Variants in IKBKB observed in about 807,000 individuals in gnomAD.
IKBKB encodes inhibitor of nuclear factor kappa-B kinase subunit beta.
IKBKB carries 42 observed loss-of-function variants against 113.6 expected under a neutral mutation model. The ratio of observed to expected loss-of-function variants is 0.37; its 90% CI spans 0.29 to 0.48. The LOEUF (loss-of-function observed/expected upper bound fraction) is 0.48, where lower values mean the gene tolerates loss of function less well. Ranked by LOEUF, IKBKB falls within the 20% of genes least tolerant of loss-of-function variation. IKBKB has a pLI of 0.99. For missense variants in IKBKB, 673 were observed against 939.7 expected, an observed-to-expected ratio of 0.72 and a Z score of 3.71; for synonymous variants, 296 against 361.3, an observed-to-expected ratio of 0.82 and a Z score of 2.05.
intron 4 of IKBKB, 84 bp from the exon 5 acceptor site, chr8:42,293,359 T>C: frequency 6.4e-7 from 1 of 1,556,380 alleles, no homozygotes; most frequent in Non-Finnish European, 8.8e-7. Flanking sequence ...AGCACTCTGG[T>C]CACATGGGCT....
Position 42,308,933 on chromosome 8 carries a change from A to G in IKBKB, c.600A>G (p.Thr200=), listed in dbSNP as rs755530832. The G allele has an allele frequency of 6.8e-6, 11 of 1,614,168 alleles. No homozygotes were observed. Among genetic ancestry groups the G allele is most frequent in the Non-Finnish European group, 8.5e-6 (10 of 1,179,978 alleles). Reference sequence around the variant, plus strand: ...AGCTACTGGAGCAGCAGAAGTACACAGTGACCGTCGACTACTGGAGCTTCG... The same window carrying G: ...AGCTACTGGAGCAGCAGAAGTACACGGTGACCGTCGACTACTGGAGCTTCG... ...APELLEQQKY[T]VTVDYWSFGT... The change falls in exon 8 of 22, where the codon ACA becomes ACG. Residue 200 remains threonine (T), a synonymous_variant. Transcript: ENST00000520810.
At chr8:42,279,971 C>T (rs1810009359) in intron 2 of IKBKB, among the ~76,000 whole-genome samples, 1 of 152,142 alleles carries the variant, frequency 6.6e-6, no homozygotes, top group Non-Finnish European at 1.5e-5. Flanking sequence ...ACTTCAGCCT[C>T]CTGAGTAGCT....
At chr8:42,303,671 AT>A (rs1306570135) in intron 5 of IKBKB, among the ~76,000 whole-genome samples, 2 of 151,700 alleles carry the variant, frequency 1.3e-5, no homozygotes, top group Non-Finnish European at 2.9e-5. Context: ...CACCCAGCTA[AT>A]TTTTTTGTAT....
In IKBKB at chr8:42,271,347, C is replaced by T. The variant is rs1459651438; in HGVS notation, c.-141C>T. ...GTTTGAGGAAGTCGCGCCGCGCTGC[C>T]CGCGTTAAGATTCCCGCATTTTAAT... On this transcript the variant is annotated 5_prime_UTR_variant, in exon 1 of 22. Transcript: ENST00000520810. 2.3e-6 allele frequency: 3 copies of T among 1,322,540 alleles called. No homozygotes were observed. The highest frequency in any genetic ancestry group is 2.5e-5 in the East Asian group (1 of 39,812). The allele number at this position is 1,322,540 out of a possible 1,614,324, so 81.9% of individuals were successfully genotyped here.
intron 5 of IKBKB, among the ~76,000 whole-genome samples, chr8:42,294,305 A>G (rs577091441): frequency 6.6e-6 from 1 of 152,362 alleles, no homozygotes; most frequent in African/African-American, 2.4e-5. Flanking sequence ...AACCTTTCAA[A>G]GCTGTATACA....
Position 42,288,630 on chromosome 8 carries a change from G to A in IKBKB, c.106-4G>A, listed in dbSNP as rs1020771795. 1.2e-6 allele frequency: 2 copies of A among 1,606,706 alleles called. No individual in the cohort carries two copies. Among genetic ancestry groups the A allele is most frequent in the African/African-American group, 1.3e-5 (1 of 74,698 alleles). ...TGCTGGTCCCCACTGTGCTGTTTCT[G>A]TAGGAAACAGGTGAGCAGATTGCCA... On this transcript the variant is annotated splice_region_variant and splice_polypyrimidine_tract_variant and intron_variant, in intron 2 of 21. Transcript: ENST00000520810.
chr8:42,272,007 C>T, intron 1 of IKBKB, 76 bp from the exon 2 acceptor site: 1 of 1,426,670 alleles, frequency 7.0e-7, no homozygotes, highest in Non-Finnish European at 9.5e-7. Context: ...AGTGGTATCT[C>T]TTGCCTTCTC....
At position 42,310,227 on chromosome 8, in the gene IKBKB, A is replaced by G. The variant is rs550398097; in HGVS notation, c.692+1202A>G. Among the ~76,000 whole-genome samples, 15 of 152,082 alleles carry G rather than the reference A, an allele frequency of 9.9e-5. 2 individuals are homozygous for G. In the South Asian group the frequency reaches 3.1e-3, roughly 31 times the overall value. On this transcript the variant is annotated intron_variant, in intron 8 of 21. Transcript: ENST00000520810. ...AATGATGCTACTCTGCTCAAAATTT[A>G]CTTACTTCAAGTTTTATTTTTTTTG...
Position 42,308,984 on chromosome 8 carries a change from G to T in IKBKB, c.651G>T (p.Thr217=). ...GCACCCTGGCCTTTGAGTGCATCAC[G>T]GGCTTCCGGCCCTTCCTCCCCAACT... is the stretch of plus-strand genomic sequence containing the variant. ...SFGTLAFECI[T]GFRPFLPNWQ... The change falls in exon 8 of 22, where the codon ACG becomes ACT. Residue 217 remains threonine (T), a synonymous_variant. Coordinates refer to ENST00000520810, the MANE Select transcript of IKBKB (RefSeq NM_001556.3). 6.2e-7 allele frequency: 1 copy of T among 1,614,202 alleles called. No individual in the cohort carries two copies. Among genetic ancestry groups the T allele is most frequent in the Non-Finnish European group, 8.5e-7 (1 of 1,180,032 alleles).
In IKBKB at chr8:42,315,822, C is replaced by G. The variant is rs112278984; in HGVS notation, c.801-388C>G. ...GGATTACAGGTGTGCATCACCACGC[C>G]TGGCTAATTTTTGTGTTTTTAGTAG... On this transcript the variant is annotated intron_variant, in intron 9 of 21. Transcript: ENST00000520810. Among the ~76,000 whole-genome samples the G allele has an allele frequency of 4.3e-4, 65 of 152,252 alleles. 2 individuals are homozygous for G. Among genetic ancestry groups the G allele is most frequent in the African/African-American group, 1.4e-3 (58 of 41,532 alleles).
intron 7 of IKBKB, 59 bp from the exon 8 acceptor site, chr8:42,308,841 CT>C: frequency 6.4e-7 from 1 of 1,566,412 alleles, no homozygotes; most frequent in Non-Finnish European, 8.7e-7. Flanking sequence ...TGGCCGCCCC[CT>C]CCTGCCGTGG....
rs1821661120 is a variant in IKBKB, at chr8:42,331,303, C to G, written c.*324C>G. The G allele has an allele frequency of 4.3e-6, 3 of 702,342 alleles. No homozygotes were observed. The highest frequency in any genetic ancestry group is 5.2e-6 in the Non-Finnish European group (2 of 385,098). The allele number at this position is 702,342 out of a possible 1,614,324, so 43.5% of individuals were successfully genotyped here. A position where few individuals can be genotyped will look rare whatever the true frequency, so the allele number is the denominator to read the frequency against. The stretch of plus-strand genomic sequence containing the variant: ...GCACATCGCTGGCCCCACAAACGTT[C>G]AGGGGTACAGCCATGGCAGCTCCTT... On this transcript the variant is annotated 3_prime_UTR_variant, in exon 22 of 22. Coordinates refer to ENST00000520810, the MANE Select transcript of IKBKB (RefSeq NM_001556.3).
At chr8:42,327,522 A>G (rs1304252773) in intron 20 of IKBKB, among the ~76,000 whole-genome samples, 2 of 150,136 alleles carry the variant, frequency 1.3e-5, no homozygotes, top group African/African-American at 4.9e-5. Context: ...TTTAGTAGAG[A>G]TGGGGTTTCA....
chr8:42,312,673 A>G (rs957862557), intron 8 of IKBKB, among the ~76,000 whole-genome samples: 4 of 152,204 alleles, frequency 2.6e-5, no homozygotes, highest in Admixed American at 2.6e-4. Context: ...GCAGAGGCTT[A>G]TTCCACACTT....
chr8:42,317,277 G>T, intron 11 of IKBKB: 1 of 424,214 alleles, frequency 2.4e-6, no homozygotes, highest in Non-Finnish European at 4.4e-6. Context: ...TGGCCTCTGT[G>T]TACAGAACTG....
At chr8:42,303,186 G>C (rs977232080) in intron 5 of IKBKB, among the ~76,000 whole-genome samples, 1 of 152,016 alleles carries the variant, frequency 6.6e-6, no homozygotes, top group Non-Finnish European at 1.5e-5. Flanking sequence ...GAATGAGAAT[G>C]GTGGTGGCGG....
intron 5 of IKBKB, among the ~76,000 whole-genome samples, chr8:42,296,888 T>C (rs190224522): frequency 5.4e-4 from 83 of 152,348 alleles, no homozygotes; most frequent in Middle Eastern, 6.8e-3. Flanking sequence ...TGAGGTGATA[T>C]AAATAAAGCT....
intron 5 of IKBKB, among the ~76,000 whole-genome samples, chr8:42,304,736 T>C (rs1175341002): frequency 1.3e-5 from 2 of 152,156 alleles, no homozygotes; most frequent in Non-Finnish European, 2.9e-5. Context: ...GCCCACCCTA[T>C]AGAATTTAGA....
At chr8:42,290,315 A>AG in intron 4 of IKBKB, 42 bp downstream of exon 4, 1 of 1,381,184 alleles carries the variant, frequency 7.2e-7, no homozygotes, top group Admixed American at 1.7e-5. Flanking sequence ...CTGTCTGGGC[A>AG]GGTGGGACAC....
Sources: allele counts gnomAD v4.1 joint callset (sites outside exome capture counted in the v4.1 genomes callset), GRCh38; gene constraint gnomAD v4.1.1; transcripts MANE v1.5; gene names NCBI Gene and HGNC (gene_info 2026-07-23, HGNC 2026-07-21).